The following CRYL1 variants were observed in gnomAD, a reference collection of about 807,000 sequenced individuals.
The protein encoded by CRYL1 is crystallin lambda 1.
Under a neutral mutation model 36.6 loss-of-function variants are expected in CRYL1, and 29 were observed. The observed-to-expected ratio is 0.79, with a 90% CI of 0.59 to 1.08. The LOEUF (loss-of-function observed/expected upper bound fraction) is 1.08, where lower values mean the gene tolerates loss of function less well. Among genes scored for constraint, CRYL1 ranks in the 50% least tolerant of loss-of-function variants. CRYL1 has a pLI of 0.00. For synonymous variants in CRYL1, 152 were observed against 151.5 expected, an observed-to-expected ratio of 1.00 and a Z score of -0.02; for missense variants, 411 against 407.9, an observed-to-expected ratio of 1.01 and a Z score of -0.06.
rs182998214 is a variant in CRYL1, at chr13:20,460,651, A to G, written c.277-20897T>C. ...CGCCATTCTCCTGCCTCAGCCTCCC[A>G]AGTAGCCGGGACTACAGGCGCCCGC... On this transcript the variant is annotated intron_variant, in intron 3 of 7. Transcript: ENST00000298248. Among the ~76,000 whole-genome samples, 694 of 149,068 alleles carry G rather than the reference A, an allele frequency of 4.7e-3. 4 individuals are homozygous for G. Among genetic ancestry groups the G allele is most frequent in the Non-Finnish European group, 5.5e-3 (368 of 67,304 alleles).
rs188100950 is a variant in CRYL1, at chr13:20,473,853, G to A, written c.276+15517C>T. ...AACAATGGCTCTCACGGATTCTAAC[G>A]TCTCAGGAAAGTACCAAAAACACAG... is the stretch of plus-strand genomic sequence containing the variant. On this transcript the variant is annotated intron_variant, in intron 3 of 7. Coordinates refer to ENST00000298248, the MANE Select transcript of CRYL1 (RefSeq NM_015974.3). Among the ~76,000 whole-genome samples, 28 of 151,830 alleles carry A rather than the reference G, an allele frequency of 1.8e-4. 1 individual carries two copies. The East Asian group carries it at 3.7e-3, about 20-fold the overall frequency.
In CRYL1 at chr13:20,439,752, T is replaced by C. The variant is rs1416897760; in HGVS notation, c.279A>G (p.Glu93=). 1 of 1,613,862 alleles carries C rather than the reference T, an allele frequency of 6.2e-7. No homozygotes were observed. The highest frequency in any genetic ancestry group is 8.5e-7 in the Non-Finnish European group (1 of 1,179,892). ...TCAGTTCTAGATCTTCTGGAACACA[T>C]TCCTGAAAAGGACACGTTTAAATGA... The part of the protein sequence containing the change: ...EAVEGAMHIQ[E]CVPEDLELKK... Residue 93 remains glutamate, a splice_region_variant and synonymous_variant, in exon 4 of 8, where the codon GAA becomes GAG. Transcript: ENST00000298248.
intron 3 of CRYL1, among the ~76,000 whole-genome samples, chr13:20,465,984 C>T (rs897713122): frequency 2.0e-5 from 3 of 151,424 alleles, no homozygotes; most frequent in African/African-American, 7.3e-5. Flanking sequence ...CCTTTTCTCC[C>T]TTTCACCATG....
chr13:20,418,236 G>A (rs1437369941), intron 5 of CRYL1, among the ~76,000 whole-genome samples: 2 of 152,200 alleles, frequency 1.3e-5, no homozygotes, highest in Non-Finnish European at 1.5e-5. Flanking sequence ...GTGACTGGAC[G>A]CTCTAGCCTG....
intron 4 of CRYL1, 62 bp downstream of exon 4, chr13:20,439,516 AAAAAAAAAAAAAAAG>A: frequency 6.4e-5 from 8 of 125,366 alleles, no homozygotes; most frequent in Non-Finnish European, 9.2e-5. Flanking sequence ...CTCCCCCGCA[AAAAAAAAAAAAAAAG>A]AAAAAAAAAA....
intron 2 of CRYL1, among the ~76,000 whole-genome samples, chr13:20,508,857 AAAAAAAAAAAAAAAAAAAC>A (rs1276586077): frequency 0.46 from 29,792 of 64,578 alleles, 6,046 homozygotes; most frequent in Non-Finnish European, 0.57. Context: ...CCAAAAAAAA[AAAAAAAAAAAAAAAAAAAC>A]AAAAAAAAAA....
intron 5 of CRYL1, among the ~76,000 whole-genome samples, chr13:20,423,770 C>CTTTT (rs1158080893): frequency 2.0e-5 from 2 of 100,152 alleles, no homozygotes; most frequent in Admixed American, 1.1e-4. Flanking sequence ...GGTGTGGGTT[C>CTTTT]TTTTTTTTTT....
At chr13:20,496,442 T>G (rs1325692166) in intron 2 of CRYL1, among the ~76,000 whole-genome samples, 1 of 152,228 alleles carries the variant, frequency 6.6e-6, no homozygotes. Context: ...AACAAGCTCA[T>G]AGATTTTACA....
intron 6 of CRYL1, 69 bp downstream of exon 6, chr13:20,413,213 G>C: frequency 9.2e-7 from 1 of 1,089,322 alleles, no homozygotes; most frequent in Non-Finnish European, 1.4e-6. Context: ...AAGGCAAAAT[G>C]TGACTGTTTA....
At chr13:20,486,700 T>C (rs2033407488) in intron 3 of CRYL1, among the ~76,000 whole-genome samples, 1 of 152,206 alleles carries the variant, frequency 6.6e-6, no homozygotes, top group Non-Finnish European at 1.5e-5. Flanking sequence ...ATAATAGATA[T>C]GGCTCAACAT....
chr13:20,490,058 G>A (rs2033478925), intron 2 of CRYL1, among the ~76,000 whole-genome samples: 1 of 152,182 alleles, frequency 6.6e-6, no homozygotes, highest in Non-Finnish European at 1.5e-5. Context: ...GAAAAATACT[G>A]TGTGATTCCA....
chr13:20,471,403 T>G (rs2033056146), intron 3 of CRYL1, among the ~76,000 whole-genome samples: 1 of 152,060 alleles, frequency 6.6e-6, no homozygotes. Flanking sequence ...AAGTGTTAGT[T>G]TTGTATTGTT....
Position 20,465,359 on chromosome 13 carries a change from G to A in CRYL1, c.276+24011C>T, listed in dbSNP as rs147582507. On this transcript the variant is annotated intron_variant, in intron 3 of 7. Transcript: ENST00000298248. ...AAGTCACTTGACCACTATGATCTCT[G>A]CACATCAGAGAAACAAATAACAAAC... 6.6e-5 allele frequency among the ~76,000 whole-genome samples: 10 copies of A among 152,240 alleles called. No homozygotes were observed. The East Asian group carries it at 1.9e-3, about 29-fold the overall frequency.
chr13:20,429,894 A>G (rs7323383), intron 5 of CRYL1, among the ~76,000 whole-genome samples: 150,786 of 152,266 alleles, frequency 0.99, 74,683 homozygotes, highest in East Asian at 1. Context: ...TGCTACTGGA[A>G]TGCTGGCACG....
chr13:20,430,266 C>G (rs2032029230), intron 5 of CRYL1: 1 of 985,098 alleles, frequency 1.0e-6, no homozygotes, highest in Non-Finnish European at 1.2e-6. Context: ...TTTCCCATTT[C>G]TCTTGACCTC....
At chr13:20,468,808 T>C (rs1033786747) in intron 3 of CRYL1, among the ~76,000 whole-genome samples, 3 of 152,190 alleles carry the variant, frequency 2.0e-5, no homozygotes, top group Non-Finnish European at 2.9e-5. Flanking sequence ...GGTTTAACCA[T>C]GTTGTCCAGG....
At chr13:20,418,931 G>A (rs2031734963) in intron 5 of CRYL1, 1 of 152,198 alleles carries the variant, frequency 6.6e-6, no homozygotes, top group Non-Finnish European at 1.5e-5. Context: ...TATCTTAGGT[G>A]AGTGTCAAAT....
At position 20,425,629 on chromosome 13, in the gene CRYL1, C is replaced by A. The variant is rs2031915773; in HGVS notation, c.633+6473G>T. Among the ~76,000 whole-genome samples the A allele has an allele frequency of 6.6e-6, 1 of 152,168 alleles. No individual in the cohort carries two copies. Reference sequence around the variant, plus strand: ...GGAGAGAAGAAATCAAAGGACCATTCACCTCCAAGTGAACATAGCACATGT... The same window carrying A: ...GGAGAGAAGAAATCAAAGGACCATTAACCTCCAAGTGAACATAGCACATGT... On this transcript the variant is annotated intron_variant, in intron 5 of 7. Transcript: ENST00000298248. The surrounding 1 kb of genome is among the most constrained non-coding windows in gnomAD (Gnocchi z 4.4).
Position 20,415,504 on chromosome 13 carries a change from G to T in CRYL1, c.634-2117C>A, listed in dbSNP as rs980628835. ...GCAGGCGGCCTGGCCCAGGAGCCAGGACGGCCACAGCCACGCCACCACCGG... is the reference window on the plus strand; with the variant it reads ...GCAGGCGGCCTGGCCCAGGAGCCAGTACGGCCACAGCCACGCCACCACCGG... On this transcript the variant is annotated intron_variant, in intron 5 of 7. Transcript: ENST00000298248. The surrounding 1 kb of genome is among the most constrained non-coding windows in gnomAD (Gnocchi z 4.1). 3.9e-4 allele frequency among the ~76,000 whole-genome samples: 60 copies of T among 152,312 alleles called. No individual in the cohort carries two copies. Among genetic ancestry groups the T allele is most frequent in the Non-Finnish European group, 7.4e-4 (50 of 68,010 alleles).
Sources: gnomAD v4.1 joint callset for allele counts (sites outside exome capture counted in the v4.1 genomes callset) on GRCh38, gnomAD v4.1.1 for gene constraint, Gnocchi (gnomAD v3.1) non-coding constraint, MANE v1.5 for transcripts, NCBI Gene and HGNC (gene_info 2026-07-23, HGNC 2026-07-21) for gene names.